The following STRBP variants were observed in gnomAD, a reference collection of about 807,000 sequenced individuals.
STRBP encodes spermatid perinuclear RNA-binding protein.
STRBP carries 13 observed loss-of-function variants against 80.1 expected under a neutral mutation model. The observed-to-expected ratio is 0.16, with a 90% CI of 0.11 to 0.26. The LOEUF (loss-of-function observed/expected upper bound fraction) is 0.26, where lower values mean the gene tolerates loss of function less well. Ranked by LOEUF, STRBP falls within the 10% of genes least tolerant of loss-of-function variation. The pLI, the probability that STRBP is intolerant of heterozygous loss-of-function variation, is 1.00. For missense variants in STRBP, 485 were observed against 815.2 expected (o/e 0.59, Z 4.93); for synonymous variants, 284 against 291.2 (o/e 0.98, Z 0.25).
At chr9:123,155,106 G>C (rs982459093) in intron 11 of STRBP, among the ~76,000 whole-genome samples, 2 of 152,174 alleles carry the variant, frequency 1.3e-5, no homozygotes, top group African/African-American at 2.4e-5. Context: ...TTCTGCAGAG[G>C]CAAGGGAGGG....
At chr9:123,109,785 A>T (rs560701471) in intron 3 of STRBP, 1 of 152,318 alleles carries the variant, frequency 6.6e-6, no homozygotes, top group Non-Finnish European at 1.5e-5. Context: ...TCCTACATGT[A>T]ATAATTGCCT....
At chr9:123,216,553 T>C (rs1310283739) in intron 2 of STRBP, among the ~76,000 whole-genome samples, 1 of 152,216 alleles carries the variant, frequency 6.6e-6, no homozygotes, top group African/African-American at 2.4e-5. Context: ...TGACCACAGC[T>C]GCTGTGCTTA....
intron 1 of STRBP, among the ~76,000 whole-genome samples, chr9:123,247,192 CA>C (rs1312066120): frequency 6.6e-6 from 1 of 152,110 alleles, no homozygotes; most frequent in Non-Finnish European, 1.5e-5. Flanking sequence ...CTCTACAATC[CA>C]AAAATATTTT....
chr9:123,267,326 A>G (rs951805542), intron 1 of STRBP, among the ~76,000 whole-genome samples: 4 of 151,554 alleles, frequency 2.6e-5, no homozygotes, highest in African/African-American at 9.7e-5. Context: ...GCTATCCTTT[A>G]AATGCCCCAC....
chr9:123,186,365 T>C (rs781060625), intron 2 of STRBP, among the ~76,000 whole-genome samples: 49 of 151,964 alleles, frequency 3.2e-4, no homozygotes, highest in South Asian at 6.2e-4. Context: ...ATTGAATAGA[T>C]TGAAGGCAGA....
intron 2 of STRBP, among the ~76,000 whole-genome samples, chr9:123,193,578 C>T (rs375567208): frequency 6.6e-6 from 1 of 152,132 alleles, no homozygotes; most frequent in Non-Finnish European, 1.5e-5. Context: ...GCAGAGATGA[C>T]CCTTCTAAAA....
At chr9:123,247,985 A>G (rs1588152759) in intron 1 of STRBP, among the ~76,000 whole-genome samples, 1 of 152,200 alleles carries the variant, frequency 6.6e-6, no homozygotes, top group East Asian at 1.9e-4. Flanking sequence ...TTAAATCGTT[A>G]TAATAATTCA....
At chr9:123,253,116 C>T (rs2040950514) in intron 1 of STRBP, among the ~76,000 whole-genome samples, 1 of 151,996 alleles carries the variant, frequency 6.6e-6, no homozygotes, top group East Asian at 1.9e-4. Context: ...AATCAAGTTC[C>T]AATACTGCTC....
At chr9:123,190,343 T>C (rs2038877767) in intron 2 of STRBP, among the ~76,000 whole-genome samples, 1 of 150,812 alleles carries the variant, frequency 6.6e-6, no homozygotes, top group Admixed American at 6.6e-5. Flanking sequence ...ATAAATCCAA[T>C]ACTCTCCCCA....
chr9:123,156,941 A>G (rs1471469923), intron 11 of STRBP, among the ~76,000 whole-genome samples: 1 of 152,206 alleles, frequency 6.6e-6, no homozygotes, highest in Non-Finnish European at 1.5e-5. Context: ...AATATTTTTG[A>G]GGCCTAAGGA....
At chr9:123,205,259 C>CT (rs2039474150) in intron 2 of STRBP, among the ~76,000 whole-genome samples, 1 of 152,220 alleles carries the variant, frequency 6.6e-6, no homozygotes, top group South Asian at 2.1e-4. Context: ...GAGCAAAACT[C>CT]TGTCTCAAAA....
chr9:123,155,429 G>T (rs2037240296), intron 11 of STRBP, among the ~76,000 whole-genome samples: 1 of 152,130 alleles, frequency 6.6e-6, no homozygotes, highest in Admixed American at 6.6e-5. Context: ...CACAGAGAAG[G>T]TAGAGAGATG....
chr9:123,182,060 C>A (rs1395738632), intron 3 of STRBP, among the ~76,000 whole-genome samples: 4 of 150,414 alleles, frequency 2.7e-5, no homozygotes, highest in South Asian at 2.1e-4. Context: ...ACTAAAAATA[C>A]AAAAATTAGC....
chr9:123,182,251 CA>C (rs1465641884), intron 3 of STRBP, among the ~76,000 whole-genome samples: 2 of 97,338 alleles, frequency 2.1e-5, no homozygotes, highest in African/African-American at 6.9e-5. Flanking sequence ...AAAAAAAAGA[CA>C]AAAAATTAAA....
chr9:123,216,718 A>G (rs1439825504), intron 2 of STRBP, among the ~76,000 whole-genome samples: 2 of 152,208 alleles, frequency 1.3e-5, no homozygotes, highest in South Asian at 2.1e-4. Context: ...GTACAATTAC[A>G]TGTCCCATCT....
intron 1 of STRBP, among the ~76,000 whole-genome samples, chr9:123,244,889 T>C (rs772865581): frequency 6.6e-6 from 1 of 152,216 alleles, no homozygotes; most frequent in Non-Finnish European, 1.5e-5. Context: ...ATAGCCAATA[T>C]GGAAACAATC....
intron 12 of STRBP, among the ~76,000 whole-genome samples, chr9:123,147,571 A>C (rs2036867342): frequency 1.3e-5 from 2 of 150,550 alleles, no homozygotes; most frequent in Non-Finnish European, 3.0e-5. Context: ...CTACTATTTG[A>C]GAAGGCTGAG....
chr9:123,158,241 AAC>A, intron 10 of STRBP, 89 bp downstream of exon 10: 1 of 1,515,924 alleles, frequency 6.6e-7, no homozygotes, highest in Non-Finnish European at 9.1e-7. Flanking sequence ...AGTCCCTAAC[AAC>A]ACACAAGAAA....
At chr9:123,218,117 TTC>T (rs1178001214) in intron 2 of STRBP, among the ~76,000 whole-genome samples, 1 of 152,202 alleles carries the variant, frequency 6.6e-6, no homozygotes, top group African/African-American at 2.4e-5. Context: ...TCTTCACAGC[TTC>T]TGTCTATGAT....
Sources: gnomAD v4.1 joint callset for allele counts (sites outside exome capture counted in the v4.1 genomes callset) on GRCh38, gnomAD v4.1.1 for gene constraint, MANE v1.5 for transcripts, NCBI Gene and HGNC (gene_info 2026-07-23, HGNC 2026-07-21) for gene names.